NR3C1: variants seen among roughly 807,000 people sequenced by gnomAD.
NR3C1 encodes nuclear receptor subfamily 3 group C member 1, also known as glucocorticoid receptor.
A neutral mutation model predicts 74.0 loss-of-function variants in NR3C1; 14 were observed. That is an observed-to-expected ratio of 0.19 (90% CI 0.12 to 0.30). NR3C1 has a LOEUF of 0.30. Among genes scored for constraint, NR3C1 ranks in the 10% least tolerant of loss-of-function variants. The pLI is 1.00. For synonymous variants in NR3C1, 308 were observed against 332.5 expected, an observed-to-expected ratio of 0.93 and a Z score of 0.80; for missense variants, 695 against 909.8, an observed-to-expected ratio of 0.76 and a Z score of 3.04.
At chr5:143,402,752 G>T (rs1840557583) in intron 1 of NR3C1, 1 of 985,362 alleles carries the variant, frequency 1.0e-6, no homozygotes, top group East Asian at 1.1e-4. Flanking sequence ...GGGCCTCCCC[G>T]GAGCCCGGGC....
chr5:143,365,377 A>T (rs1227362411), intron 2 of NR3C1, among the ~76,000 whole-genome samples: 1 of 152,222 alleles, frequency 6.6e-6, no homozygotes, highest in Non-Finnish European at 1.5e-5. Context: ...AGAAAGCTGA[A>T]GTGGCTATAC....
intron 2 of NR3C1, among the ~76,000 whole-genome samples, chr5:143,368,312 T>A (rs74407266): frequency 6.6e-6 from 1 of 152,152 alleles, no homozygotes; most frequent in Non-Finnish European, 1.5e-5. Flanking sequence ...GAAAATCAGT[T>A]TGACCTTAGA....
chr5:143,338,163 G>A (rs1827511704), intron 2 of NR3C1, among the ~76,000 whole-genome samples: 1 of 152,164 alleles, frequency 6.6e-6, no homozygotes, highest in African/African-American at 2.4e-5. Flanking sequence ...ACAACACCAT[G>A]CTTATGTTTG....
chr5:143,403,532 T>A lies in NR3C1; in HGVS notation c.-335A>T. ...CGTCTCCTTCCACCCACAGAATCCG[T>A]CCCCGACGGGCAGGCGGTGACTCGG... On this transcript the variant is annotated 5_prime_UTR_variant, in exon 1 of 9. Transcript: ENST00000394464. 1.0e-6 allele frequency: 1 copy of A among 985,002 alleles called. No homozygotes were observed. The highest frequency in any genetic ancestry group is 4.7e-5 in the South Asian group (1 of 21,278). The allele number at this position is 985,002 out of a possible 1,614,324, so 61.0% of individuals were successfully genotyped here. A position where few individuals can be genotyped will look rare whatever the true frequency, so the allele number is the denominator to read the frequency against.
At chr5:143,400,927 G>T (rs928961594) in intron 1 of NR3C1, 75 bp from the exon 2 acceptor site, 10 of 1,102,334 alleles carry the variant, frequency 9.1e-6, no homozygotes, top group Non-Finnish European at 1.2e-5. Context: ...GATCCGATTA[G>T]TAAGAGGCAG....
At chr5:143,297,548 A>T (rs1411431837) in intron 6 of NR3C1, among the ~76,000 whole-genome samples, 3 of 152,204 alleles carry the variant, frequency 2.0e-5, no homozygotes, top group Non-Finnish European at 4.4e-5. Context: ...CCAACTACCT[A>T]ATCTTGTTAC....
chr5:143,328,100 A>AG (rs1206485080), intron 2 of NR3C1, among the ~76,000 whole-genome samples: 5 of 152,240 alleles, frequency 3.3e-5, no homozygotes, highest in African/African-American at 1.2e-4. Context: ...TCTTAAATAT[A>AG]GGCACAGGTT....
At chr5:143,432,852 A>C (rs1411588476) in intron 1 of NR3C1, among the ~76,000 whole-genome samples, 1 of 152,142 alleles carries the variant, frequency 6.6e-6, no homozygotes, top group Admixed American at 6.5e-5. Context: ...GATCCTCTCC[A>C]TCTGTCCACA....
At chr5:143,406,578 A>C (rs766417319), upstream of NR3C1, among the ~76,000 whole-genome samples, 1 of 152,218 alleles carries the variant, frequency 6.6e-6, no homozygotes, top group Non-Finnish European at 1.5e-5. Context: ...ACAAATAGTT[A>C]TGATTTGTGG....
intron 2 of NR3C1, among the ~76,000 whole-genome samples, chr5:143,338,272 A>C (rs1827538390): frequency 6.6e-6 from 1 of 152,194 alleles, no homozygotes. Flanking sequence ...AATGATAATA[A>C]ATGACTATGT....
chr5:143,403,167 G>C, intron 1 of NR3C1, 44 bp downstream of exon 1: 6 of 980,374 alleles, frequency 6.1e-6, no homozygotes, highest in Non-Finnish European at 7.2e-6. Flanking sequence ...GCGGCACCTC[G>C]GGGGAGCGAG....
At chr5:143,379,857 G>GT (rs1434962967) in intron 2 of NR3C1, among the ~76,000 whole-genome samples, 1 of 152,200 alleles carries the variant, frequency 6.6e-6, no homozygotes, top group African/African-American at 2.4e-5. Flanking sequence ...CAGATCAGCA[G>GT]AACTGCCCAC....
At chr5:143,404,102 C>G (rs954264676), upstream of NR3C1, 9 of 985,328 alleles carry the variant, frequency 9.1e-6, no homozygotes, top group East Asian at 9.1e-4. Flanking sequence ...GGAGCTCGCT[C>G]TGCCCCTTGG....
At chr5:143,373,363 G>C (rs1211589862) in intron 2 of NR3C1, among the ~76,000 whole-genome samples, 1 of 151,230 alleles carries the variant, frequency 6.6e-6, no homozygotes, top group South Asian at 2.1e-4. Flanking sequence ...TCATTAAAAG[G>C]CTTAACAAAG....
chr5:143,419,393 G>GTGC (rs1751095947), intron 1 of NR3C1, among the ~76,000 whole-genome samples: 4 of 152,096 alleles, frequency 2.6e-5, no homozygotes, highest in African/African-American at 9.7e-5. Context: ...TATGATAAAA[G>GTGC]AAATGTGGCA....
intron 1 of NR3C1, among the ~76,000 whole-genome samples, chr5:143,413,920 A>G (rs1045723150): frequency 0.08 from 7 of 88 alleles, no homozygotes; most frequent in Non-Finnish European, 0.15. Flanking sequence ...GGCATGCAGA[A>G]AAAAACCCAG....
At chr5:143,297,090 A>G (rs1322078076) in intron 6 of NR3C1, among the ~76,000 whole-genome samples, 1 of 150,912 alleles carries the variant, frequency 6.6e-6, no homozygotes, top group African/African-American at 2.4e-5. Context: ...AAAAAAAAAA[A>G]AAAAAAGAAA....
intron 1 of NR3C1, among the ~76,000 whole-genome samples, chr5:143,424,552 A>G (rs529465293): frequency 1.3e-5 from 2 of 152,336 alleles, no homozygotes; most frequent in South Asian, 4.1e-4. Flanking sequence ...AAAAACCCCT[A>G]TATACTTATG....
In NR3C1 at chr5:143,337,954, T is replaced by C. The variant is rs150325705; in HGVS notation, c.1185-23786A>G. Among the ~76,000 whole-genome samples the C allele has an allele frequency of 2.1e-4, 32 of 152,326 alleles. No individual in the cohort carries two copies. In the East Asian group the frequency reaches 5.6e-3, roughly 27 times the overall value. On this transcript the variant is annotated intron_variant, in intron 2 of 8. Coordinates refer to ENST00000394464, the MANE Select transcript of NR3C1 (RefSeq NM_000176.3). ...GTCATACTGGAGGCCTCCAAGGTAT[T>C]GGCAATATTCTATTTCTTGCCCTGG...
Sources: gnomAD v4.1 joint callset for allele counts (sites outside exome capture counted in the v4.1 genomes callset) on GRCh38, gnomAD v4.1.1 for gene constraint, MANE v1.5 for transcripts, NCBI Gene and HGNC (gene_info 2026-07-23, HGNC 2026-07-21) for gene names.